The following SHE variants were observed in gnomAD, a reference collection of about 807,000 sequenced individuals.
The protein encoded by SHE is Src homology 2 domain containing E.
In SHE, 11 loss-of-function variants were observed where a neutral mutation model predicts 49.8. That is an observed-to-expected ratio of 0.22 (90% CI 0.14 to 0.37). The LOEUF is 0.37. Among genes scored for constraint, SHE ranks in the 10% least tolerant of loss-of-function variants. The pLI is 1.00. For synonymous variants in SHE, 310 were observed against 278.1 expected, an observed-to-expected ratio of 1.11 and a Z score of -1.14; for missense variants, 624 against 655.5, an observed-to-expected ratio of 0.95 and a Z score of 0.52.
exon 2 of SHE, chr1:154,470,361 T>G: frequency 7.8e-7 from 1 of 1,289,214 alleles, no homozygotes; most frequent in Non-Finnish European, 1.0e-6. Context: ...AGATGGTGAT[T>G]TCTGTAGAGG....
intron 1 of SHE, among the ~76,000 whole-genome samples, chr1:154,473,240 T>C (rs1691792464): frequency 1.3e-5 from 2 of 151,908 alleles, no homozygotes; most frequent in Admixed American, 1.3e-4. Flanking sequence ...CCTTAGGTGA[T>C]CCGCCTGTCT....
At chr1:154,486,098 G>T (rs774714339) in intron 4 of SHE, 36 bp from the exon 5 acceptor site, 1 of 1,600,782 alleles carries the variant, frequency 6.2e-7, no homozygotes, top group South Asian at 1.1e-5. Flanking sequence ...AAAGCACCAT[G>T]AGTGTCAAAA....
Position 154,480,062 on chromosome 1 carries a change from A to G in SHE, c.*4087T>C. 1.0e-6 allele frequency: 1 copy of G among 985,494 alleles called. No homozygotes were observed. Among genetic ancestry groups the G allele is most frequent in the Non-Finnish European group, 1.2e-6 (1 of 829,934 alleles). The allele number at this position is 985,494 out of a possible 1,614,324, so 61.0% of individuals were successfully genotyped here. ...CACACAGGGTCAGCGGTGGAGGGTA[A>G]GTTGAACAGAAGGCCCACTGCACAG... On this transcript the variant is annotated 3_prime_UTR_variant, in exon 6 of 6. Coordinates refer to ENST00000304760, the MANE Select transcript of SHE (RefSeq NM_001010846.3).
intron 1 of SHE, chr1:154,470,466 G>T: frequency 1.8e-6 from 2 of 1,097,212 alleles, no homozygotes; most frequent in Non-Finnish European, 2.5e-6. Flanking sequence ...CTGAATATCT[G>T]TGAGAATTAC....
In SHE at chr1:154,471,680, ACTCTCTCT is replaced by A. The variant is rs139560920; in HGVS notation, c.103-1326_103-1319del. 7.4e-3 allele frequency among the ~76,000 whole-genome samples: 1,109 copies of A among 149,302 alleles called. 12 individuals carry two copies. Among genetic ancestry groups the A allele is most frequent in the African/African-American group, 0.025 (1,019 of 40,450 alleles). On this transcript the variant is annotated intron_variant, in intron 1 of 1. Coordinates refer to the SHE transcript ENST00000486773. ...CTTGAATAAAGTTAAGTTTTTCAGT[ACTCTCTCT>A]CTCTCTCTCTCTCTCTCTGTGTGTG...
rs772646375 is a variant in SHE, at chr1:154,489,188, G to A, written c.887C>T (p.Pro296Leu). The A allele has an allele frequency of 6.2e-7, 1 of 1,614,176 alleles. No individual in the cohort carries two copies. Among genetic ancestry groups the A allele is most frequent in the South Asian group, 1.1e-5 (1 of 91,086 alleles). The part of the protein sequence containing the change: ...PPQLYDTPYE[P>L]AEGGPRAEGK... ...CTCTGCCCTGGGCCCCCCTTCTGCA[G>A]GCTCGTAGGGAGTGTCGTATAGCTG... Residue 296 changes from proline to leucine, a missense_variant, in exon 3 of 6, where the codon CCT (proline) becomes CTT (leucine). This residue lies in a region of SHE where 155 missense variants were observed against 142.0 expected (regional missense o/e 1.09). Coordinates refer to ENST00000304760, the MANE Select transcript of SHE (RefSeq NM_001010846.3).
intron 5 of SHE, chr1:154,485,442 A>G (rs1276165330): frequency 6.5e-6 from 1 of 154,446 alleles, no homozygotes; most frequent in Non-Finnish European, 1.4e-5. Flanking sequence ...TACCAGGCAA[A>G]AGTGAATTTT....
chr1:154,495,382 G>A (rs2149297353), intron 2 of SHE, among the ~76,000 whole-genome samples: 1 of 152,294 alleles, frequency 6.6e-6, no homozygotes, highest in Admixed American at 6.5e-5. Flanking sequence ...CTTGTATTCA[G>A]TCATATCTTT....
rs1480834683 is a variant in SHE at position 154,484,017 on chromosome 1, ACTCT to A, written c.*128_*131del. 3.5e-6 allele frequency: 5 copies of A among 1,437,972 alleles called. No homozygotes were observed. The allele number at this position is 1,437,972 out of a possible 1,614,324, so 89.1% of individuals were successfully genotyped here. A position where few individuals can be genotyped will look rare whatever the true frequency, so the allele number is the denominator to read the frequency against. Reference sequence around the variant, plus strand: ...CGTCTCAAACAAAACAAAACAAATCACTCTCTGACTTTTCAAGGAAGACTCCCAT... The same window carrying A: ...CGTCTCAAACAAAACAAAACAAATCACTGACTTTTCAAGGAAGACTCCCAT... On this transcript the variant is annotated 3_prime_UTR_variant, in exon 6 of 6. Transcript: ENST00000304760.
At chr1:154,473,254 C>G (rs1044961550) in intron 1 of SHE, among the ~76,000 whole-genome samples, 1 of 152,034 alleles carries the variant, frequency 6.6e-6, no homozygotes, top group Non-Finnish European at 1.5e-5. Context: ...CCTGTCTCAG[C>G]CTCCCAAAGT....
chr1:154,478,891 A>C (rs1691950270), downstream of SHE, among the ~76,000 whole-genome samples: 1 of 152,200 alleles, frequency 6.6e-6, no homozygotes, highest in East Asian at 1.9e-4. Flanking sequence ...TGTTTAATGG[A>C]AGTTAAAAAC....
chr1:154,475,390 T>C (rs1364117091), downstream of SHE, among the ~76,000 whole-genome samples: 1 of 152,208 alleles, frequency 6.6e-6, no homozygotes, highest in Admixed American at 6.5e-5. Flanking sequence ...TTTCCCCATG[T>C]CGGCCAGGCT....
At position 154,482,407 on chromosome 1, in the gene SHE, T is replaced by C. The variant is rs1557795423; in HGVS notation, c.*1742A>G. On this transcript the variant is annotated 3_prime_UTR_variant, in exon 6 of 6. Coordinates refer to ENST00000304760, the MANE Select transcript of SHE (RefSeq NM_001010846.3). ...AGATCACACAACCTTTTGGCTGAGA[T>C]CTTATCTGAATAAAGAAGCAAAAAT... 1 of 985,272 alleles carries C rather than the reference T, an allele frequency of 1.0e-6. No individual in the cohort carries two copies. The highest frequency in any genetic ancestry group is 1.2e-6 in the Non-Finnish European group (1 of 829,902). The allele number at this position is 985,272 out of a possible 1,614,324, so 61.0% of individuals were successfully genotyped here.
Position 154,483,232 on chromosome 1 carries a change from A to C in SHE, c.*917T>G. ...TGCTAAAAAATGAGAAAATCCACAG[A>C]GATTGAGAGAACACACACTTTCTTG... On this transcript the variant is annotated 3_prime_UTR_variant, in exon 6 of 6. Transcript: ENST00000304760. 1 of 985,432 alleles carries C rather than the reference A, an allele frequency of 1.0e-6. No individual in the cohort carries two copies. The highest frequency in any genetic ancestry group is 1.2e-6 in the Non-Finnish European group (1 of 829,940). The allele number at this position is 985,432 out of a possible 1,614,324, so 61.0% of individuals were successfully genotyped here.
At chr1:154,496,589 A>C (rs536373908) in intron 2 of SHE, among the ~76,000 whole-genome samples, 1 of 152,144 alleles carries the variant, frequency 6.6e-6, no homozygotes, top group African/African-American at 2.4e-5. Context: ...CAGACCACTC[A>C]ATGTGGAGTG....
intron 3 of SHE, among the ~76,000 whole-genome samples, chr1:154,488,222 T>C (rs1473369062): frequency 6.6e-6 from 1 of 151,824 alleles, no homozygotes; most frequent in Non-Finnish European, 1.5e-5. Context: ...ATTACAGGCA[T>C]GAGCCACCAC....
rs139992741 is a variant in SHE, at chr1:154,481,577, A to C, written c.*2572T>G. On this transcript the variant is annotated 3_prime_UTR_variant, in exon 6 of 6. Transcript: ENST00000304760. ...TGGGCCAAAAATCATTTAGTGCACA[A>C]AGAAAAATTGTATAAAGCTTTTAGC... The C allele has an allele frequency of 1.3e-5, 13 of 985,434 alleles. No homozygotes were observed. The East Asian group carries it at 1.4e-3, about 103-fold the overall frequency. 61.0% of individuals were successfully genotyped at this position (985,434 alleles called of 1,614,324 possible).
Position 154,481,448 on chromosome 1 carries a change from G to T in SHE, c.*2701C>A. Reference sequence around the variant, plus strand: ...CTTGTCACAGAGAAACAGTATAGAAGAAGCATAATACTGGGCATATGACAG... The same window carrying T: ...CTTGTCACAGAGAAACAGTATAGAATAAGCATAATACTGGGCATATGACAG... On this transcript the variant is annotated 3_prime_UTR_variant, in exon 6 of 6. Transcript: ENST00000304760. The T allele has an allele frequency of 1.0e-6, 1 of 985,404 alleles. No homozygotes were observed. 61.0% of individuals were successfully genotyped at this position (985,404 alleles called of 1,614,324 possible). A position where few individuals can be genotyped will look rare whatever the true frequency, so the allele number is the denominator to read the frequency against.
Position 154,489,193 on chromosome 1 carries a change from G to A in SHE, c.882C>T (p.Tyr294=), listed in dbSNP as rs1426213853. 6.8e-6 allele frequency: 11 copies of A among 1,614,160 alleles called. No individual in the cohort carries two copies. Among genetic ancestry groups the A allele is most frequent in the Admixed American group, 5.0e-5 (3 of 60,010 alleles). ...CCCTGGGCCCCCCTTCTGCAGGCTCGTAGGGAGTGTCGTATAGCTGTGGCG... is the reference window on the plus strand; with the variant it reads ...CCCTGGGCCCCCCTTCTGCAGGCTCATAGGGAGTGTCGTATAGCTGTGGCG... ...GKPPQLYDTP[Y]EPAEGGPRAE... The change falls in exon 3 of 6, where the codon TAC becomes TAT. Residue 294 remains tyrosine (Y), a synonymous_variant. Coordinates refer to ENST00000304760, the MANE Select transcript of SHE (RefSeq NM_001010846.3).
Sources: allele counts gnomAD v4.1 joint callset (sites outside exome capture counted in the v4.1 genomes callset), GRCh38; gene constraint gnomAD v4.1.1; regional missense constraint gnomAD v4.1.1; transcripts MANE v1.5; gene names NCBI Gene and HGNC (gene_info 2026-07-23, HGNC 2026-07-21).